Variants in AKNA observed in about 807,000 individuals in gnomAD.
AKNA encodes the protein microtubule organization protein AKNA.
In AKNA, 67 loss-of-function variants were observed where a neutral mutation model predicts 138.8. The ratio of observed to expected loss-of-function variants is 0.48; its 90% CI spans 0.40 to 0.59. The LOEUF is 0.59. Among genes scored for constraint, AKNA ranks in the 20% least tolerant of loss-of-function variants. The probability of loss-of-function intolerance (pLI) is 0.00; values close to 1 mark genes in which losing one functional copy is unlikely to be tolerated. For missense variants in AKNA, 1,813 were observed against 1,880.4 expected (o/e 0.96, Z 0.66); for synonymous variants, 737 against 754.4 (o/e 0.98, Z 0.38).
At chr9:114,337,858 T>C (rs1426195914) in intron 21 of AKNA, among the ~76,000 whole-genome samples, 1 of 152,148 alleles carries the variant, frequency 6.6e-6, no homozygotes, top group East Asian at 1.9e-4. Context: ...GGGAAGTGGG[T>C]AGAAGAGCAT....
chr9:114,341,768 T>C (rs1830370413), intron 20 of AKNA, 43 bp from the exon 21 acceptor site: 6 of 1,526,874 alleles, frequency 3.9e-6, no homozygotes, highest in Non-Finnish European at 4.4e-6. Context: ...GTCTGACCAC[T>C]TGGCAGATCC....
intron 4 of AKNA, among the ~76,000 whole-genome samples, chr9:114,372,970 G>GT (rs1554842089): frequency 7.1e-6 from 1 of 141,486 alleles, no homozygotes; most frequent in African/African-American, 2.6e-5. Flanking sequence ...GCAGCGGGGG[G>GT]GGGGGGGGTC....
chr9:114,387,261 G>A (rs893709247), intron 1 of AKNA, among the ~76,000 whole-genome samples: 1 of 152,186 alleles, frequency 6.6e-6, no homozygotes, highest in Admixed American at 6.5e-5. Context: ...CCACAAGGAA[G>A]CACCAGCCAC....
intron 6 of AKNA, 31 bp from the exon 7 acceptor site, chr9:114,364,650 C>G: frequency 2.5e-6 from 4 of 1,609,690 alleles, no homozygotes; most frequent in Non-Finnish European, 3.4e-6. Flanking sequence ...GAAATATGCT[C>G]CATTAATCCA....
chr9:114,355,634 C>T (rs1021096650), intron 14 of AKNA, among the ~76,000 whole-genome samples: 9 of 152,228 alleles, frequency 5.9e-5, no homozygotes, highest in Non-Finnish European at 1.3e-4. Context: ...GCCGTGCACG[C>T]TGTCTGTCGT....
In AKNA at chr9:114,345,912, C is replaced by T; in HGVS notation, c.3612G>A (p.Val1204=). ...PQAARDGKRG[V]GSAGWPDRVT... is the part of the protein sequence containing the mutation. ...CCCTGTCTGGCCATCCAGCACTGCCCACCCCTCTCTTTCCATCCCGAGCTG... is the reference window on the plus strand; with the variant it reads ...CCCTGTCTGGCCATCCAGCACTGCCTACCCCTCTCTTTCCATCCCGAGCTG... Residue 1204 remains valine, a synonymous_variant, in exon 18 of 22, where the codon GTG becomes GTA. Transcript: ENST00000374088. 1 of 1,614,022 alleles carries T rather than the reference C, an allele frequency of 6.2e-7. No homozygotes were observed. Among genetic ancestry groups the T allele is most frequent in the Non-Finnish European group, 8.5e-7 (1 of 1,179,944 alleles).
chr9:114,331,542 C>A, downstream of AKNA: 1 of 1,586,712 alleles, frequency 6.3e-7, no homozygotes, highest in Non-Finnish European at 8.6e-7. Context: ...CATGTTCTCA[C>A]CCAGAGGCTC....
intron 1 of AKNA, among the ~76,000 whole-genome samples, chr9:114,387,009 A>T (rs1834081742): frequency 6.6e-6 from 1 of 152,054 alleles, no homozygotes; most frequent in Non-Finnish European, 1.5e-5. Flanking sequence ...TGAGGCACAG[A>T]GACATGGCCT....
intron 1 of AKNA, among the ~76,000 whole-genome samples, chr9:114,381,811 C>T (rs935083124): frequency 2.6e-5 from 4 of 152,048 alleles, no homozygotes; most frequent in Non-Finnish European, 5.9e-5. Flanking sequence ...CAGGTGCACG[C>T]CACCACACCC....
intron 9 of AKNA, among the ~76,000 whole-genome samples, chr9:114,361,026 TCCA>T (rs1301825834): frequency 6.6e-6 from 1 of 152,058 alleles, no homozygotes; most frequent in Non-Finnish European, 1.5e-5. Flanking sequence ...CTCTCTTAAG[TCCA>T]CACATGCTTC....
chr9:114,377,664 G>A (rs1272260872), intron 2 of AKNA, 132 bp from the exon 3 acceptor site: 1 of 955,228 alleles, frequency 1.0e-6, no homozygotes, highest in African/African-American at 1.7e-5. Context: ...CCAAGGTGGT[G>A]GTAGACTTAG....
downstream of AKNA, chr9:114,331,570 G>A (rs760444413): frequency 1.7e-5 from 27 of 1,612,892 alleles, no homozygotes; most frequent in Non-Finnish European, 2.1e-5. Flanking sequence ...CTTCCAGAGG[G>A]AGGCCGAGAA....
chr9:114,378,289 A>ACCTCTG (rs1427337016), intron 2 of AKNA, among the ~76,000 whole-genome samples: 4 of 152,040 alleles, frequency 2.6e-5, no homozygotes, highest in African/African-American at 9.7e-5. Flanking sequence ...CGTTCGCTCA[A>ACCTCTG]CCTCTGCCTC....
intron 4 of AKNA, among the ~76,000 whole-genome samples, chr9:114,372,409 C>T (rs1832838048): frequency 6.6e-6 from 1 of 152,128 alleles, no homozygotes; most frequent in East Asian, 1.9e-4. Context: ...CCCCCGTGTC[C>T]ACCCCCGCCT....
chr9:114,391,234 G>C (rs2132152431), upstream of AKNA, among the ~76,000 whole-genome samples: 1 of 152,346 alleles, frequency 6.6e-6, no homozygotes, highest in South Asian at 2.1e-4. Context: ...TAATAACCAA[G>C]CTTGGTGCTC....
At chr9:114,365,567 T>C (rs1832283946) in intron 6 of AKNA, among the ~76,000 whole-genome samples, 2 of 152,016 alleles carry the variant, frequency 1.3e-5, no homozygotes, top group Non-Finnish European at 2.9e-5. Context: ...TATATAATCA[T>C]ATTACATAAT....
downstream of AKNA, chr9:114,330,657 T>G: frequency 6.2e-7 from 1 of 1,600,172 alleles, no homozygotes; most frequent in South Asian, 1.1e-5. Context: ...TTCCTGGCCT[T>G]GGCCTTCCCA....
In AKNA at chr9:114,336,808, G is replaced by A. The variant is rs1276173591; in HGVS notation, c.*246C>T. On this transcript the variant is annotated 3_prime_UTR_variant, in exon 22 of 22. Transcript: ENST00000374088. Reference sequence around the variant, plus strand: ...TGAGGTTCTGCCTGGACCGAAGGAGGCCTCGCTCACAGCACCTCTGTGAGG... The same window carrying A: ...TGAGGTTCTGCCTGGACCGAAGGAGACCTCGCTCACAGCACCTCTGTGAGG... The A allele has an allele frequency of 2.3e-6, 1 of 430,344 alleles. No homozygotes were observed. The highest frequency in any genetic ancestry group is 4.0e-6 in the Non-Finnish European group (1 of 247,388). The allele number at this position is 430,344 out of a possible 1,614,324, so 26.7% of individuals were successfully genotyped here.
At chr9:114,347,593 G>A in intron 16 of AKNA, 131 bp downstream of exon 16, 1 of 930,168 alleles carries the variant, frequency 1.1e-6, no homozygotes, top group Non-Finnish European at 1.6e-6. Flanking sequence ...GCTCAACAGT[G>A]AATGAATGAA....
Sources: gnomAD v4.1 joint callset for allele counts (sites outside exome capture counted in the v4.1 genomes callset) on GRCh38, gnomAD v4.1.1 for gene constraint, MANE v1.5 for transcripts, NCBI Gene and HGNC (gene_info 2026-07-23, HGNC 2026-07-21) for gene names.